Variants in TNFRSF21 observed in about 807,000 individuals in gnomAD.
TNFRSF21 encodes the protein TNF receptor superfamily member 21, also known as tumor necrosis factor receptor superfamily member 21.
In TNFRSF21, 19 loss-of-function variants were observed where a neutral mutation model predicts 45.6. The ratio of observed to expected loss-of-function variants is 0.42; its 90% CI spans 0.29 to 0.61. TNFRSF21 has a LOEUF of 0.61. TNFRSF21 is among the 20% of genes least tolerant of loss of function. TNFRSF21 has a pLI of 0.23. For synonymous variants in TNFRSF21, 314 were observed against 335.5 expected (o/e 0.94, Z 0.70); for missense variants, 737 against 851.5 (o/e 0.87, Z 1.67).
intron 4 of TNFRSF21, among the ~76,000 whole-genome samples, chr6:47,250,150 T>C (rs1390556992): frequency 6.6e-6 from 1 of 152,208 alleles, no homozygotes; most frequent in African/African-American, 2.4e-5. Flanking sequence ...ATGCTTCTTA[T>C]AAGAGACATT....
chr6:47,277,424 C>A (rs770540109), intron 3 of TNFRSF21, among the ~76,000 whole-genome samples: 1 of 152,174 alleles, frequency 6.6e-6, no homozygotes, highest in Non-Finnish European at 1.5e-5. Flanking sequence ...GATGATGATC[C>A]ATCCTCTGCA....
chr6:47,253,225 T>C (rs1168506783), intron 4 of TNFRSF21, 31 bp downstream of exon 4: 5 of 1,604,036 alleles, frequency 3.1e-6, no homozygotes, highest in African/African-American at 1.3e-5. Flanking sequence ...AATAGGTCGG[T>C]GGTAATGACA....
chr6:47,232,573 AGAG>A lies in TNFRSF21; in HGVS notation c.*189_*191del. On this transcript the variant is annotated 3_prime_UTR_variant, in exon 6 of 6. Coordinates refer to ENST00000296861, the MANE Select transcript of TNFRSF21 (RefSeq NM_014452.5). ...CCCAGAAGAGTTATTTAAAAAAAAAAGAGAGAGAGAGAAGGAGAAAGAACTCAA... is the reference window on the plus strand; with the variant it reads ...CCCAGAAGAGTTATTTAAAAAAAAAAAGAGAGAGAAGGAGAAAGAACTCAA... The A allele has an allele frequency of 1.9e-6, 1 of 514,668 alleles. No homozygotes were observed. The allele number at this position is 514,668 out of a possible 1,614,324, so 31.9% of individuals were successfully genotyped here.
chr6:47,246,043 C>T (rs1764820380), intron 4 of TNFRSF21, among the ~76,000 whole-genome samples: 1 of 152,106 alleles, frequency 6.6e-6, no homozygotes, highest in Non-Finnish European at 1.5e-5. Context: ...CCCACCAGGC[C>T]CCACCTCCAA....
intron 3 of TNFRSF21, among the ~76,000 whole-genome samples, chr6:47,281,819 A>AAATAATT (rs1491048296): frequency 0.021 from 3,154 of 151,850 alleles, 125 homozygotes; most frequent in African/African-American, 0.073. Context: ...GGAATTATGT[A>AAATAATT]CAAATAAAAA....
chr6:47,236,168 T>C (rs1029563475), intron 4 of TNFRSF21, among the ~76,000 whole-genome samples: 3 of 152,202 alleles, frequency 2.0e-5, no homozygotes, highest in Admixed American at 2.0e-4. Context: ...TTGACATCTC[T>C]ATTTGGCCCT....
intron 2 of TNFRSF21, among the ~76,000 whole-genome samples, chr6:47,285,063 G>C (rs1038336010): frequency 6.6e-6 from 1 of 152,162 alleles, no homozygotes; most frequent in African/African-American, 2.4e-5. Flanking sequence ...AGTCCCAAGA[G>C]ACAGGACTTG....
intron 3 of TNFRSF21, among the ~76,000 whole-genome samples, chr6:47,270,785 T>C (rs1304260340): frequency 6.6e-6 from 1 of 152,014 alleles, no homozygotes; most frequent in Non-Finnish European, 1.5e-5. Context: ...GTTAGACTAA[T>C]GGCTAACTAG....
At chr6:47,279,924 C>T (rs1017929887) in intron 3 of TNFRSF21, among the ~76,000 whole-genome samples, 1 of 152,188 alleles carries the variant, frequency 6.6e-6, no homozygotes, top group Non-Finnish European at 1.5e-5. Flanking sequence ...TACCACAGCA[C>T]CTTTATTCTT....
intron 1 of TNFRSF21, among the ~76,000 whole-genome samples, chr6:47,301,605 A>G (rs1762865181): frequency 6.6e-6 from 1 of 152,242 alleles, no homozygotes; most frequent in East Asian, 1.9e-4. Context: ...GCATTGTCCC[A>G]TTGGTGATAA....
intron 4 of TNFRSF21, among the ~76,000 whole-genome samples, chr6:47,237,052 GA>G (rs537360170): frequency 1.1e-3 from 165 of 152,260 alleles, no homozygotes; most frequent in Non-Finnish European, 1.7e-3. Flanking sequence ...TGGAAAGACA[GA>G]ATGCTGAACT....
intron 1 of TNFRSF21, among the ~76,000 whole-genome samples, chr6:47,294,806 T>C (rs769462997): frequency 1.7e-4 from 26 of 152,136 alleles, no homozygotes; most frequent in Non-Finnish European, 2.9e-4. Flanking sequence ...GCTGGAATTA[T>C]AGGCATGAGC....
intron 1 of TNFRSF21, among the ~76,000 whole-genome samples, chr6:47,296,490 G>A (rs925541491): frequency 3.9e-5 from 6 of 152,138 alleles, no homozygotes; most frequent in Admixed American, 2.0e-4. Flanking sequence ...TCGGCTGGGG[G>A]CTGCTAGGTA....
intron 4 of TNFRSF21, among the ~76,000 whole-genome samples, chr6:47,250,805 A>G (rs1764891297): frequency 1.3e-5 from 2 of 152,228 alleles, no homozygotes; most frequent in Admixed American, 6.5e-5. Flanking sequence ...ATGGACAGAG[A>G]GTAACATACT....
At chr6:47,245,643 A>G (rs956012583) in intron 4 of TNFRSF21, among the ~76,000 whole-genome samples, 7 of 150,400 alleles carry the variant, frequency 4.7e-5, no homozygotes, top group Admixed American at 4.6e-4. Flanking sequence ...GTCTCTTACA[A>G]TTATAATTAA....
rs34093099 is a variant in TNFRSF21, at chr6:47,232,624, A to AACACACACACACACACACAC, written c.*121_*140dup. On this transcript the variant is annotated 3_prime_UTR_variant, in exon 6 of 6. Coordinates refer to ENST00000296861, the MANE Select transcript of TNFRSF21 (RefSeq NM_014452.5). ...CAAGCACTGGCCATATTCTCTGTTA[A>AACACACACACACACACACAC]ACACACACACACACACACACACACA... The AACACACACACACACACACAC allele has an allele frequency of 6.6e-5, 37 of 563,284 alleles. No homozygotes were observed. The highest frequency in any genetic ancestry group is 3.0e-4 in the South Asian group (13 of 43,238). 34.9% of individuals were successfully genotyped at this position (563,284 alleles called of 1,614,324 possible).
At chr6:47,293,654 G>A (rs1229945044) in intron 1 of TNFRSF21, among the ~76,000 whole-genome samples, 1 of 152,172 alleles carries the variant, frequency 6.6e-6, no homozygotes, top group African/African-American at 2.4e-5. Context: ...GTTTAGCAAC[G>A]AGTACTGAGA....
At chr6:47,276,703 T>C (rs1393712299) in intron 3 of TNFRSF21, among the ~76,000 whole-genome samples, 3 of 152,224 alleles carry the variant, frequency 2.0e-5, no homozygotes, top group Admixed American at 1.3e-4. Context: ...AATCCTAAAA[T>C]ATCTCCTAGA....
intron 3 of TNFRSF21, among the ~76,000 whole-genome samples, chr6:47,273,097 T>C (rs1762450949): frequency 6.6e-6 from 1 of 152,184 alleles, no homozygotes; most frequent in South Asian, 2.1e-4. Context: ...AAAGAGGAGC[T>C]GGTACCATTC....
Sources: gnomAD v4.1 joint callset for allele counts (sites outside exome capture counted in the v4.1 genomes callset) on GRCh38, gnomAD v4.1.1 for gene constraint, MANE v1.5 for transcripts, NCBI Gene and HGNC (gene_info 2026-07-23, HGNC 2026-07-21) for gene names.